Variants in IL17B observed in about 807,000 individuals in gnomAD.
IL17B encodes the protein interleukin 17B, also known as interleukin-17B.
A neutral mutation model predicts 14.7 loss-of-function variants in IL17B; 14 were observed. The ratio of observed to expected loss-of-function variants is 0.95; its 90% confidence interval spans 0.63 to 1.49. The LOEUF is 1.49. Among genes scored for constraint, IL17B ranks in the 40% most tolerant of loss-of-function variants. IL17B has a pLI of 0.00. For missense variants in IL17B, 233 were observed against 252.8 expected, an observed-to-expected ratio of 0.92 and a Z score of 0.53; for synonymous variants, 105 against 94.8, an observed-to-expected ratio of 1.11 and a Z score of -0.62.
At chr5:149,397,976 C>A (rs1467900683) in intron 1 of IL17B, among the ~76,000 whole-genome samples, 2 of 152,132 alleles carry the variant, frequency 1.3e-5, no homozygotes, top group Non-Finnish European at 2.9e-5. Context: ...GAGGGCAGAT[C>A]TTCCCTACCT....
At chr5:149,378,230 A>G (rs573973591) in intron 1 of IL17B, among the ~76,000 whole-genome samples, 68 of 152,236 alleles carry the variant, frequency 4.5e-4, no homozygotes, top group African/African-American at 1.5e-3. Flanking sequence ...GAAGCTGGGG[A>G]GATGGGCAAG....
intron 1 of IL17B, chr5:149,403,985 C>G (rs1226802951): frequency 6.6e-6 from 1 of 152,140 alleles, no homozygotes; most frequent in Non-Finnish European, 1.5e-5. Context: ...TGGACAGGGT[C>G]CCCCTCCCCC....
intron 1 of IL17B, among the ~76,000 whole-genome samples, chr5:149,393,634 C>A (rs146635663): frequency 6.6e-4 from 101 of 152,300 alleles, no homozygotes; most frequent in Middle Eastern, 3.4e-3. Context: ...GCAGTGGACA[C>A]CTTCTTCCTA....
upstream of IL17B, among the ~76,000 whole-genome samples, chr5:149,380,841 C>G (rs1758676490): frequency 6.6e-6 from 1 of 152,238 alleles, no homozygotes; most frequent in Non-Finnish European, 1.5e-5. Flanking sequence ...CACAGCATAA[C>G]TGAGATGCTG....
At chr5:149,382,302 G>A (rs1413304961), upstream of IL17B, among the ~76,000 whole-genome samples, 1 of 152,136 alleles carries the variant, frequency 6.6e-6, no homozygotes, top group Non-Finnish European at 1.5e-5. Flanking sequence ...ACCGATTCCA[G>A]GTGTCGGGGT....
At position 149,374,608 on chromosome 5, in the gene IL17B, G is replaced by C. The variant is rs774447320; in HGVS notation, c.312-8C>G. 4 of 1,603,640 alleles carry C rather than the reference G, an allele frequency of 2.5e-6. No homozygotes were observed. The highest frequency in any genetic ancestry group is 2.6e-6 in the Non-Finnish European group (3 of 1,172,386). On this transcript the variant is annotated splice_region_variant and splice_polypyrimidine_tract_variant and intron_variant, in intron 2 of 2. Coordinates refer to ENST00000261796, the MANE Select transcript of IL17B (RefSeq NM_014443.3). This position sits in a 1 kb window ranked among gnomAD's most constrained non-coding sequence, Gnocchi z 5.0. Reference sequence around the variant, plus strand: ...CTGGGGTCGTGGTTGATGCTGCAGGGAGCAGAAGAAAGAGCAGAGCGGAAG... The same window carrying C: ...CTGGGGTCGTGGTTGATGCTGCAGGCAGCAGAAGAAAGAGCAGAGCGGAAG...
chr5:149,384,917 T>TC (rs1438135568), intron 1 of IL17B, among the ~76,000 whole-genome samples: 2 of 150,338 alleles, frequency 1.3e-5, no homozygotes, highest in African/African-American at 4.9e-5. Context: ...AGCTTTTTTT[T>TC]TTTTTTTTTG....
At chr5:149,403,785 C>T (rs902425239) in intron 1 of IL17B, among the ~76,000 whole-genome samples, 2 of 152,178 alleles carry the variant, frequency 1.3e-5, no homozygotes, top group Non-Finnish European at 2.9e-5. Context: ...AGGGAACTCA[C>T]CACTTTACCA....
chr5:149,392,372 C>T (rs1476424497), intron 1 of IL17B, among the ~76,000 whole-genome samples: 6 of 152,214 alleles, frequency 3.9e-5, no homozygotes, highest in African/African-American at 1.4e-4. Context: ...CACTTCCGTG[C>T]AGTGGAACCC....
upstream of IL17B, among the ~76,000 whole-genome samples, chr5:149,380,685 G>A (rs1020154101): frequency 5.9e-5 from 9 of 152,236 alleles, no homozygotes; most frequent in East Asian, 1.5e-3. Context: ...GGAGGACAGA[G>A]GAGGGGCATT....
intron 1 of IL17B, among the ~76,000 whole-genome samples, chr5:149,387,497 C>T (rs1306343763): frequency 2.6e-5 from 4 of 152,086 alleles, no homozygotes; most frequent in African/African-American, 7.2e-5. Flanking sequence ...GCTCAGGCGC[C>T]GTGGCTTATG....
intron 1 of IL17B, among the ~76,000 whole-genome samples, chr5:149,393,262 C>T (rs976422175): frequency 2.0e-5 from 3 of 152,184 alleles, no homozygotes; most frequent in African/African-American, 7.2e-5. Flanking sequence ...GCCGTTTTTA[C>T]TCTTCAGGTC....
chr5:149,388,128 A>T (rs1216368633), intron 1 of IL17B, among the ~76,000 whole-genome samples: 1 of 152,220 alleles, frequency 6.6e-6, no homozygotes, highest in Non-Finnish European at 1.5e-5. Flanking sequence ...ATTGGAGAGA[A>T]ATGTGTCTGG....
In IL17B at chr5:149,393,254, C is replaced by T. The variant is rs145197063; in HGVS notation, n.95+10854G>A. Among the ~76,000 whole-genome samples, 95 of 152,252 alleles carry T rather than the reference C, an allele frequency of 6.2e-4. 1 individual carries two copies. The East Asian group carries it at 8.9e-3, about 14-fold the overall frequency. On this transcript the variant is annotated intron_variant and non_coding_transcript_variant, in intron 1 of 2. Transcript: ENST00000505432. ...CCTTTGCTTCAATGCCCTTCTCTGC[C>T]GTTTTTACTCTTCAGGTCGCAGTGC...
upstream of IL17B, among the ~76,000 whole-genome samples, chr5:149,383,187 T>C (rs1758744470): frequency 6.6e-6 from 1 of 152,226 alleles, no homozygotes; most frequent in Non-Finnish European, 1.5e-5. Flanking sequence ...GTTAAAGCGC[T>C]TAGCACAGTC....
At chr5:149,398,512 A>G (rs894979911) in intron 1 of IL17B, among the ~76,000 whole-genome samples, 1 of 152,218 alleles carries the variant, frequency 6.6e-6, no homozygotes, top group African/African-American at 2.4e-5. Flanking sequence ...AGAGCTAGTG[A>G]TGGAGGAGGG....
At chr5:149,400,862 C>T (rs1759191886) in intron 1 of IL17B, among the ~76,000 whole-genome samples, 1 of 152,142 alleles carries the variant, frequency 6.6e-6, no homozygotes, top group African/African-American at 2.4e-5. Flanking sequence ...ATGTCTGAAG[C>T]CAGAAGAAGA....
intron 1 of IL17B, 48 bp from the exon 2 acceptor site, chr5:149,377,073 C>G (rs1267018212): frequency 6.8e-7 from 1 of 1,481,280 alleles, no homozygotes; most frequent in Non-Finnish European, 9.0e-7. Context: ...AAGTCTCTAT[C>G]TGGGCCAAGA....
chr5:149,403,752 T>C (rs1362739365), intron 1 of IL17B, among the ~76,000 whole-genome samples: 1 of 152,158 alleles, frequency 6.6e-6, no homozygotes, highest in Non-Finnish European at 1.5e-5. Context: ...TTGTCCAGCC[T>C]CTGCTTGCAT....
Sources: gnomAD v4.1 joint callset for allele counts (sites outside exome capture counted in the v4.1 genomes callset) on GRCh38, gnomAD v4.1.1 for gene constraint, Gnocchi (gnomAD v3.1) non-coding constraint, MANE v1.5 for transcripts, NCBI Gene and HGNC (gene_info 2026-07-23, HGNC 2026-07-21) for gene names.